The following SYT13 variants were observed in gnomAD, a reference collection of about 807,000 sequenced individuals.
The protein encoded by SYT13 is synaptotagmin 13.
In SYT13, 21 loss-of-function variants were observed where a neutral mutation model predicts 38.6. The ratio of observed to expected loss-of-function variants is 0.54; its 90% CI spans 0.39 to 0.78. The LOEUF (loss-of-function observed/expected upper bound fraction) is 0.78. Among genes scored for constraint, SYT13 ranks in the 30% least tolerant of loss-of-function variants. SYT13 has a pLI of 0.00. For missense variants in SYT13, 495 were observed against 548.7 expected, an observed-to-expected ratio of 0.90 and a Z score of 0.98; for synonymous variants, 241 against 237.6, an observed-to-expected ratio of 1.01 and a Z score of -0.13.
chr11:45,271,183 G>A (rs1164328824), intron 1 of SYT13, among the ~76,000 whole-genome samples: 1 of 152,150 alleles, frequency 6.6e-6, no homozygotes, highest in Non-Finnish European at 1.5e-5. Flanking sequence ...TCAGCTTAGG[G>A]CTCCAGGAAG....
intron 4 of SYT13, among the ~76,000 whole-genome samples, chr11:45,250,913 A>C (rs779685398): frequency 6.6e-6 from 1 of 152,156 alleles, no homozygotes; most frequent in Non-Finnish European, 1.5e-5. Flanking sequence ...GAGTCAGACC[A>C]ACCCGGCCTC....
chr11:45,284,184 G>A (rs1452256617), intron 1 of SYT13, among the ~76,000 whole-genome samples: 1 of 152,200 alleles, frequency 6.6e-6, no homozygotes, highest in Admixed American at 6.5e-5. Flanking sequence ...GCATGAGCTT[G>A]GCTGGAGAGG....
chr11:45,250,616 T>A (rs906634525), intron 4 of SYT13, among the ~76,000 whole-genome samples: 10 of 152,198 alleles, frequency 6.6e-5, no homozygotes, highest in Non-Finnish European at 1.5e-4. Flanking sequence ...AGGATCCCCA[T>A]CTGTGATTCC....
At chr11:45,278,835 C>T (rs1855039595) in intron 1 of SYT13, among the ~76,000 whole-genome samples, 1 of 152,160 alleles carries the variant, frequency 6.6e-6, no homozygotes, top group Non-Finnish European at 1.5e-5. Context: ...CGGGTATGTG[C>T]TCATCTCCCT....
intron 1 of SYT13, among the ~76,000 whole-genome samples, chr11:45,264,692 G>A (rs969774932): frequency 1.3e-5 from 2 of 152,184 alleles, no homozygotes; most frequent in Non-Finnish European, 2.9e-5. Flanking sequence ...AAGCATTGTT[G>A]TTTTAAGCCA....
chr11:45,271,515 C>T (rs140159525), intron 1 of SYT13, among the ~76,000 whole-genome samples: 1 of 152,132 alleles, frequency 6.6e-6, no homozygotes, highest in East Asian at 1.9e-4. Flanking sequence ...GAGAGGAAGG[C>T]TGGGGTTGGA....
chr11:45,267,999 C>T (rs1437118171), intron 1 of SYT13, among the ~76,000 whole-genome samples: 1 of 152,132 alleles, frequency 6.6e-6, no homozygotes, highest in Non-Finnish European at 1.5e-5. Flanking sequence ...TCTCCTTTTC[C>T]CTTGTGATTA....
chr11:45,255,756 C>T lies in SYT13; in HGVS notation c.319G>A (p.Glu107Lys), dbSNP rs1854737395. The T allele has an allele frequency of 6.2e-7, 1 of 1,614,056 alleles. No homozygotes were observed. Among genetic ancestry groups the T allele is most frequent in the Non-Finnish European group, 8.5e-7 (1 of 1,180,052 alleles). The change falls in exon 2 of 6, where the codon GAG becomes AAG. Residue 107 changes from glutamate (E) to lysine (K), a missense_variant. Physicochemically the swap from Glu to Lys is moderately conservative, Grantham distance 56 (BLOSUM62 1). Transcript: ENST00000020926. Reference sequence around the variant, plus strand: ...TGGGGGCTGGCAGGTGCAGTGGGCTCCTCCGTAGACCTCAGTGAATAGTCT... The same window carrying T: ...TGGGGGCTGGCAGGTGCAGTGGGCTTCTCCGTAGACCTCAGTGAATAGTCT... ...YADYSLRSTE[E>K]PTAPASPQPP...
At chr11:45,270,726 GA>G (rs1195929492) in intron 1 of SYT13, among the ~76,000 whole-genome samples, 1 of 151,974 alleles carries the variant, frequency 6.6e-6, no homozygotes, top group Admixed American at 6.6e-5. Flanking sequence ...ATGCAGTGTA[GA>G]AAAAAAGTGC....
intron 1 of SYT13, among the ~76,000 whole-genome samples, chr11:45,272,281 T>C (rs1303860488): frequency 6.6e-6 from 1 of 152,138 alleles, no homozygotes; most frequent in Non-Finnish European, 1.5e-5. Context: ...CACTGTGGCA[T>C]GTGTATACCT....
At chr11:45,246,219 T>C (rs891361180) in intron 5 of SYT13, among the ~76,000 whole-genome samples, 164 bp downstream of exon 5, 17 of 152,140 alleles carry the variant, frequency 1.1e-4, no homozygotes, top group African/African-American at 3.9e-4. Flanking sequence ...CGAAAATCAA[T>C]TTGTGAACTT....
intron 1 of SYT13, among the ~76,000 whole-genome samples, chr11:45,285,630 C>T (rs1240412396): frequency 3.3e-5 from 5 of 152,134 alleles, no homozygotes; most frequent in East Asian, 1.9e-4. Flanking sequence ...CTGCAAACTC[C>T]TCATTCTCTG....
intron 1 of SYT13, among the ~76,000 whole-genome samples, chr11:45,272,598 T>G (rs1854963708): frequency 6.6e-6 from 1 of 152,234 alleles, no homozygotes; most frequent in Non-Finnish European, 1.5e-5. Context: ...GCAAACCTAA[T>G]AGATTTCCTT....
At chr11:45,256,137 A>G (rs1269299331) in intron 1 of SYT13, among the ~76,000 whole-genome samples, 1 of 152,060 alleles carries the variant, frequency 6.6e-6, no homozygotes, top group African/African-American at 2.4e-5. Context: ...CATCCATCCT[A>G]TGGCTGCGCC....
intron 1 of SYT13, among the ~76,000 whole-genome samples, chr11:45,261,870 C>G (rs943954325): frequency 6.7e-5 from 10 of 149,616 alleles, no homozygotes; most frequent in African/African-American, 2.5e-4. Context: ...GAGCCAAGAT[C>G]ATGCCACTGC....
At chr11:45,282,719 A>T (rs1855088519) in intron 1 of SYT13, among the ~76,000 whole-genome samples, 1 of 152,340 alleles carries the variant, frequency 6.6e-6, no homozygotes, top group South Asian at 2.1e-4. Context: ...TTTTGTTGCT[A>T]TTCCTAATTA....
Position 45,243,737 on chromosome 11 carries a change from A to G in SYT13, c.*315T>C, listed in dbSNP as rs958188643. On this transcript the variant is annotated 3_prime_UTR_variant, in exon 6 of 6. Coordinates refer to ENST00000020926, the MANE Select transcript of SYT13 (RefSeq NM_020826.3). ...AAAAGCCAAATTCTTCTTTGCATCC[A>G]TGATTCCCACATTTAGCTTTCTCTG... The G allele has an allele frequency of 3.6e-5, 10 of 278,340 alleles. No homozygotes were observed. The highest frequency in any genetic ancestry group is 2.0e-4 in the African/African-American group (9 of 45,852). 17.2% of individuals were successfully genotyped at this position (278,340 alleles called of 1,614,324 possible).
chr11:45,283,643 G>C (rs1188861038), intron 1 of SYT13, among the ~76,000 whole-genome samples: 3 of 152,224 alleles, frequency 2.0e-5, no homozygotes, highest in African/African-American at 7.2e-5. Flanking sequence ...GCCCCAAGTT[G>C]CCCACATCTT....
chr11:45,271,131 C>A lies in SYT13; in HGVS notation c.183+14894G>T, dbSNP rs553743033. 5.3e-5 allele frequency among the ~76,000 whole-genome samples: 8 copies of A among 152,264 alleles called. No individual in the cohort carries two copies. In the South Asian group the frequency reaches 1.7e-3, roughly 32 times the overall value. On this transcript the variant is annotated intron_variant, in intron 1 of 5. Coordinates refer to ENST00000020926, the MANE Select transcript of SYT13 (RefSeq NM_020826.3). ...CTCAAGGCAGATTCAGCTAATTGATCGAAGCATTCTTTCCTGCTGAGCTCA... is the reference window on the plus strand; with the variant it reads ...CTCAAGGCAGATTCAGCTAATTGATAGAAGCATTCTTTCCTGCTGAGCTCA...
Sources: allele counts gnomAD v4.1 joint callset (sites outside exome capture counted in the v4.1 genomes callset), GRCh38; gene constraint gnomAD v4.1.1; transcripts MANE v1.5; gene names NCBI Gene and HGNC (gene_info 2026-07-23, HGNC 2026-07-21).